CHRM3: variants seen among roughly 807,000 people sequenced by gnomAD.
CHRM3 encodes the protein cholinergic receptor muscarinic 3.
A neutral mutation model predicts 41.8 loss-of-function variants in CHRM3; 11 were observed. The observed-to-expected ratio is 0.26, with a 90% CI of 0.17 to 0.44. The LOEUF (loss-of-function observed/expected upper bound fraction) is 0.44. Among genes scored for constraint, CHRM3 ranks in the 20% least tolerant of loss-of-function variants. CHRM3 has a pLI of 1.00. For missense variants in CHRM3, 571 were observed against 745.4 expected (o/e 0.77, Z 2.72); for synonymous variants, 297 against 301.4 (o/e 0.99, Z 0.15).
intron 4 of CHRM3, among the ~76,000 whole-genome samples, chr1:239,655,564 C>A (rs1460426557): frequency 3.3e-5 from 5 of 152,156 alleles, no homozygotes; most frequent in Non-Finnish European, 5.9e-5. Context: ...TTTTGGATAA[C>A]CTTATGCACA....
chr1:239,483,366 C>G (rs946613464), intron 1 of CHRM3, among the ~76,000 whole-genome samples: 3 of 152,156 alleles, frequency 2.0e-5, no homozygotes, highest in Admixed American at 2.0e-4. Context: ...GCTAATCATG[C>G]TGTTCTTGGA....
chr1:239,577,328 A>G (rs891250334), intron 3 of CHRM3, among the ~76,000 whole-genome samples: 1 of 152,174 alleles, frequency 6.6e-6, no homozygotes, highest in Admixed American at 6.5e-5. Flanking sequence ...TTTTTTAAAT[A>G]AAAAATATTT....
intron 3 of CHRM3, among the ~76,000 whole-genome samples, chr1:239,628,091 A>G (rs1224779066): frequency 1.5e-5 from 1 of 66,070 alleles, no homozygotes; most frequent in Admixed American, 1.5e-4. Flanking sequence ...AATATCCTGC[A>G]GAGTGTTTTC....
intron 2 of CHRM3, among the ~76,000 whole-genome samples, chr1:239,540,224 C>G (rs1315875100): frequency 6.6e-6 from 1 of 152,174 alleles, no homozygotes; most frequent in South Asian, 2.1e-4. Flanking sequence ...GTGTTGACTA[C>G]TTTATCTTAA....
At chr1:239,471,150 G>A (rs1332094905) in intron 1 of CHRM3, among the ~76,000 whole-genome samples, 7 of 152,074 alleles carry the variant, frequency 4.6e-5, no homozygotes, top group Non-Finnish European at 7.3e-5. Context: ...TGTTAATTGA[G>A]ATAATGAATC....
At chr1:239,477,387 C>T (rs1558252022) in intron 1 of CHRM3, among the ~76,000 whole-genome samples, 1 of 152,118 alleles carries the variant, frequency 6.6e-6, no homozygotes, top group Non-Finnish European at 1.5e-5. Flanking sequence ...GTTTTTCTAA[C>T]AACGAGAAAA....
At chr1:239,880,008 T>C (rs750026396) in intron 6 of CHRM3, among the ~76,000 whole-genome samples, 1 of 152,288 alleles carries the variant, frequency 6.6e-6, no homozygotes, top group Non-Finnish European at 1.5e-5. Flanking sequence ...ATCACTGTGA[T>C]GAGGTTTGCA....
chr1:239,683,770 T>C (rs1658805910), intron 5 of CHRM3, among the ~76,000 whole-genome samples: 1 of 152,186 alleles, frequency 6.6e-6, no homozygotes, highest in African/African-American at 2.4e-5. Context: ...GTAAACTTTC[T>C]AAGAAGCATT....
chr1:239,906,850 A>G (rs1311480285), intron 6 of CHRM3, among the ~76,000 whole-genome samples: 1 of 152,196 alleles, frequency 6.6e-6, no homozygotes, highest in African/African-American at 2.4e-5. Context: ...CTTACAAGGA[A>G]CGGATGTCTT....
chr1:239,697,291 G>A (rs559585806), intron 5 of CHRM3, among the ~76,000 whole-genome samples: 2 of 152,070 alleles, frequency 1.3e-5, no homozygotes, highest in Admixed American at 1.3e-4. Context: ...TTTTATAAAG[G>A]CAAGTTTCCC....
intron 2 of CHRM3, among the ~76,000 whole-genome samples, chr1:239,544,855 C>T (rs764839986): frequency 6.6e-6 from 1 of 152,160 alleles, no homozygotes; most frequent in Non-Finnish European, 1.5e-5. Flanking sequence ...TTGTAGGACA[C>T]GTAGAGCACA....
chr1:239,407,039 A>G (rs564169075), intron 1 of CHRM3, among the ~76,000 whole-genome samples: 2 of 152,240 alleles, frequency 1.3e-5, no homozygotes, highest in East Asian at 1.9e-4. Flanking sequence ...TCCAGGCAAA[A>G]CTAACCTTAC....
intron 4 of CHRM3, among the ~76,000 whole-genome samples, chr1:239,644,812 A>T (rs980953749): frequency 3.6e-4 from 55 of 152,320 alleles, no homozygotes; most frequent in African/African-American, 1.3e-3. Flanking sequence ...AGCTGACTGC[A>T]CTTGAGTAAC....
At chr1:239,640,160 G>A (rs1394378568) in intron 4 of CHRM3, among the ~76,000 whole-genome samples, 3 of 151,318 alleles carry the variant, frequency 2.0e-5, no homozygotes, top group East Asian at 2.0e-4. Flanking sequence ...TGCTGGATTC[G>A]GTTTGCCAGT....
intron 5 of CHRM3, among the ~76,000 whole-genome samples, chr1:239,711,473 A>G (rs1661781876): frequency 6.6e-6 from 1 of 152,046 alleles, no homozygotes; most frequent in South Asian, 2.1e-4. Flanking sequence ...TCATTAAATA[A>G]TAATATACGA....
Position 239,843,977 on chromosome 1 carries a change from A to G in CHRM3, c.-20+16599A>G, listed in dbSNP as rs115523941. Reference sequence around the variant, plus strand: ...ATACACATATGCATACACACACGTTATATATACAGTTTGTTTTGTTTTGAA... The same window carrying G: ...ATACACATATGCATACACACACGTTGTATATACAGTTTGTTTTGTTTTGAA... On this transcript the variant is annotated intron_variant, in intron 6 of 6. Transcript: ENST00000676153. Among the ~76,000 whole-genome samples the G allele has an allele frequency of 3.4e-3, 524 of 152,300 alleles. 4 individuals carry two copies. Among genetic ancestry groups the G allele is most frequent in the African/African-American group, 0.012 (500 of 41,576 alleles).
chr1:239,844,141 A>G (rs549461317), intron 6 of CHRM3, among the ~76,000 whole-genome samples: 2 of 152,280 alleles, frequency 1.3e-5, no homozygotes, highest in South Asian at 4.1e-4. Flanking sequence ...TATTCAACAT[A>G]GTCACCATGC....
At chr1:239,670,250 T>C (rs1674223260) in intron 4 of CHRM3, among the ~76,000 whole-genome samples, 2 of 152,126 alleles carry the variant, frequency 1.3e-5, no homozygotes, top group Admixed American at 1.3e-4. Flanking sequence ...TGTAAACACA[T>C]GCCACCCCCA....
intron 5 of CHRM3, among the ~76,000 whole-genome samples, chr1:239,764,681 C>T (rs559624709): frequency 6.6e-6 from 1 of 152,282 alleles, no homozygotes; most frequent in East Asian, 1.9e-4. Flanking sequence ...TGTTAACAGG[C>T]AAATCTCCAA....
Sources: allele counts gnomAD v4.1 joint callset (sites outside exome capture counted in the v4.1 genomes callset), GRCh38; gene constraint gnomAD v4.1.1; transcripts MANE v1.5; gene names NCBI Gene and HGNC (gene_info 2026-07-23, HGNC 2026-07-21).